Variants in STK24 observed in about 807,000 individuals in gnomAD.
STK24 encodes the protein serine/threonine-protein kinase 24.
Under a neutral mutation model 55.6 loss-of-function variants are expected in STK24, and 21 were observed. That is an observed-to-expected ratio of 0.38 (90% CI 0.27 to 0.54). STK24 has a LOEUF of 0.54. Among genes scored for constraint, STK24 ranks in the 20% least tolerant of loss-of-function variants. The pLI, the probability that STK24 is intolerant of heterozygous loss-of-function variation, is 0.79. For synonymous variants in STK24, 200 were observed against 215.2 expected, an observed-to-expected ratio of 0.93 and a Z score of 0.62; for missense variants, 383 against 538.4, an observed-to-expected ratio of 0.71 and a Z score of 2.86.
intron 2 of STK24, among the ~76,000 whole-genome samples, chr13:98,507,433 G>C (rs1234980464): frequency 2.0e-5 from 3 of 152,192 alleles, no homozygotes; most frequent in East Asian, 3.9e-4. Context: ...CTGAGTATTT[G>C]TCCTAGTGTT....
chr13:98,507,703 A>T lies in STK24; in HGVS notation c.273+11540T>A, dbSNP rs573543493. 9.9e-5 allele frequency among the ~76,000 whole-genome samples: 15 copies of T among 151,874 alleles called. No homozygotes were observed. In the South Asian group the frequency reaches 3.1e-3, roughly 32 times the overall value. On this transcript the variant is annotated intron_variant, in intron 2 of 10. Coordinates refer to ENST00000539966, the MANE Select transcript of STK24 (RefSeq NM_001032296.4). ...ACAGAGCCCAAAATTAGACTACCAC[A>T]CTCCCTGGCTTCATTCCCAGCCAGG... is the stretch of plus-strand genomic sequence containing the variant.
chr13:98,563,803 T>A (rs1161666422), intron 1 of STK24, among the ~76,000 whole-genome samples: 1 of 150,402 alleles, frequency 6.6e-6, no homozygotes, highest in Non-Finnish European at 1.5e-5. Flanking sequence ...GAGCTTGTAG[T>A]GAGCTGAGAT....
intron 1 of STK24, among the ~76,000 whole-genome samples, chr13:98,568,939 CAGAA>C (rs1594677318): frequency 1.3e-5 from 2 of 151,954 alleles, no homozygotes; most frequent in East Asian, 3.9e-4. Context: ...AATAAAGTTT[CAGAA>C]AGAAAGAACA....
At chr13:98,486,775 C>G (rs1417020628) in intron 2 of STK24, among the ~76,000 whole-genome samples, 1 of 152,238 alleles carries the variant, frequency 6.6e-6, no homozygotes, top group African/African-American at 2.4e-5. Context: ...AAGCACCGTT[C>G]AGCCATTCTT....
At chr13:98,526,279 A>G (rs537713674) in intron 1 of STK24, among the ~76,000 whole-genome samples, 2 of 152,282 alleles carry the variant, frequency 1.3e-5, no homozygotes, top group Admixed American at 6.5e-5. Flanking sequence ...GTGTCCCAAT[A>G]TGACTCAGGC....
Position 98,449,398 on chromosome 13 carries a change from A to C in STK24, c.*3775T>G, listed in dbSNP as rs1040777050. 3 of 152,110 alleles carry C rather than the reference A, an allele frequency of 2.0e-5. No homozygotes were observed. The highest frequency in any genetic ancestry group is 2.9e-5 in the Non-Finnish European group (2 of 68,020). 9.4% of individuals were successfully genotyped at this position (152,110 alleles called of 1,614,324 possible). ...GGACTGCACAGGGAACACGGTTTCCAGTGGCTTTGGCCCCTACTCGGGAAA... is the reference window on the plus strand; with the variant it reads ...GGACTGCACAGGGAACACGGTTTCCCGTGGCTTTGGCCCCTACTCGGGAAA... On this transcript the variant is annotated 3_prime_UTR_variant, in exon 11 of 11. Transcript: ENST00000539966.
rs1264075562 is a variant in STK24 at position 98,448,715 on chromosome 13, A to C, written c.*4458T>G. 2 of 160,350 alleles carry C rather than the reference A, an allele frequency of 1.2e-5. No homozygotes were observed. Among genetic ancestry groups the C allele is most frequent in the Non-Finnish European group, 2.7e-5 (2 of 75,290 alleles). The allele number at this position is 160,350 out of a possible 1,614,324, so 9.9% of individuals were successfully genotyped here. On this transcript the variant is annotated 3_prime_UTR_variant, in exon 11 of 11. Coordinates refer to ENST00000539966, the MANE Select transcript of STK24 (RefSeq NM_001032296.4). ...ATTATTTTCACCTATTGGCTGCTGC[A>C]TTTTACGAAGTGGACTTCCCGGTGT...
intron 1 of STK24, among the ~76,000 whole-genome samples, chr13:98,538,592 G>A (rs1419319792): frequency 1.3e-5 from 2 of 152,156 alleles, no homozygotes; most frequent in African/African-American, 2.4e-5. Context: ...GCTCCAAGGG[G>A]AGTTTGTGAG....
rs1360581712 is a variant in STK24, at chr13:98,475,557, G to T, written c.331-199C>A. 2.0e-5 allele frequency among the ~76,000 whole-genome samples: 3 copies of T among 149,340 alleles called. No individual in the cohort carries two copies. The Admixed American group carries it at 2.1e-4, about 10-fold the overall frequency. On this transcript the variant is annotated intron_variant, in intron 3 of 10. Coordinates refer to ENST00000539966, the MANE Select transcript of STK24 (RefSeq NM_001032296.4). ...AAAAAACAAAGGGCCCGAGAAAATG[G>T]CTTTGCTCAATGAAGCCAAGCCAGC...
At chr13:98,508,510 AG>A (rs1274459137) in intron 2 of STK24, among the ~76,000 whole-genome samples, 6 of 152,202 alleles carry the variant, frequency 3.9e-5, no homozygotes, top group Non-Finnish European at 8.8e-5. Context: ...TTACACCACA[AG>A]CCCCACTGGA....
chr13:98,558,944 C>T (rs1328726431), intron 1 of STK24, among the ~76,000 whole-genome samples: 1 of 136,080 alleles, frequency 7.3e-6, no homozygotes, highest in Admixed American at 8.2e-5. Context: ...GCAGGCGGAT[C>T]ACCTGAGGTT....
chr13:98,559,953 A>C (rs1897377277), intron 1 of STK24, among the ~76,000 whole-genome samples: 1 of 152,168 alleles, frequency 6.6e-6, no homozygotes, highest in African/African-American at 2.4e-5. Flanking sequence ...GTTCAAGTCC[A>C]GACTGGGCAA....
At chr13:98,574,233 G>C (rs552276278) in intron 1 of STK24, among the ~76,000 whole-genome samples, 2 of 152,252 alleles carry the variant, frequency 1.3e-5, no homozygotes, top group East Asian at 1.9e-4. Context: ...GGATGGTCTC[G>C]ATCTCCTGAC....
In STK24 at chr13:98,537,337, G is replaced by A. The variant is rs567628439; in HGVS notation, c.43-17864C>T. Among the ~76,000 whole-genome samples, 8 of 152,214 alleles carry A rather than the reference G, an allele frequency of 5.3e-5. No homozygotes were observed. The South Asian group carries it at 8.3e-4, about 16-fold the overall frequency. Reference sequence around the variant, plus strand: ...GAGTGGGGCCTTCCCCCTGGATGGCGTTACCCTATGGCCGCTGTGATGTCT... The same window carrying A: ...GAGTGGGGCCTTCCCCCTGGATGGCATTACCCTATGGCCGCTGTGATGTCT... On this transcript the variant is annotated intron_variant, in intron 1 of 10. Coordinates refer to ENST00000539966, the MANE Select transcript of STK24 (RefSeq NM_001032296.4).
intron 1 of STK24, among the ~76,000 whole-genome samples, chr13:98,546,464 C>G (rs1897031197): frequency 6.6e-6 from 1 of 152,162 alleles, no homozygotes; most frequent in East Asian, 1.9e-4. Flanking sequence ...AAAGCTGAAT[C>G]TATGCCAGAA....
At chr13:98,466,659 G>A in intron 5 of STK24, 98 bp from the exon 6 acceptor site, 2 of 1,339,470 alleles carry the variant, frequency 1.5e-6, no homozygotes, top group South Asian at 1.5e-5. Flanking sequence ...ATACTTCTGA[G>A]GTTTTGAAAA....
Position 98,453,223 on chromosome 13 carries a change from G to A in STK24, c.1260-14C>T. The A allele has an allele frequency of 6.2e-7, 1 of 1,611,432 alleles. No individual in the cohort carries two copies. ...CTTAGAGAGTATCTAGGGAAAAAGA[G>A]AGAGAGAGAAGTCAACACATGTCAT... On this transcript the variant is annotated splice_polypyrimidine_tract_variant and intron_variant, in intron 10 of 10. Transcript: ENST00000539966.
At chr13:98,491,032 G>A (rs1017590277) in intron 2 of STK24, among the ~76,000 whole-genome samples, 9 of 152,194 alleles carry the variant, frequency 5.9e-5, no homozygotes, top group African/African-American at 2.2e-4. Flanking sequence ...TGTCAGGCTA[G>A]GGTGGAGAGG....
At position 98,446,898 on chromosome 13, in the gene STK24, G is replaced by C. The variant is rs527835904; in HGVS notation, c.*6275C>G. ...ACATCAGGATTTCTCCCAAGTCAGC[G>C]AGTGAGATGGCCCCACCCTTCCCTG... On this transcript the variant is annotated 3_prime_UTR_variant, in exon 11 of 11. Coordinates refer to ENST00000539966, the MANE Select transcript of STK24 (RefSeq NM_001032296.4). 85 of 1,461,246 alleles carry C rather than the reference G, an allele frequency of 5.8e-5. No homozygotes were observed. The highest frequency in any genetic ancestry group is 9.5e-7 in the Non-Finnish European group (1 of 1,055,150). 90.5% of individuals were successfully genotyped at this position (1,461,246 alleles called of 1,614,324 possible).
Sources: allele counts gnomAD v4.1 joint callset (sites outside exome capture counted in the v4.1 genomes callset), GRCh38; gene constraint gnomAD v4.1.1; transcripts MANE v1.5; gene names NCBI Gene and HGNC (gene_info 2026-07-23, HGNC 2026-07-21).